The following SPON1 variants were observed in gnomAD, a reference collection of about 807,000 sequenced individuals.
SPON1 encodes spondin 1, also known as spondin-1.
Under a neutral mutation model 111.7 loss-of-function variants are expected in SPON1, and 52 were observed. That is an observed-to-expected ratio of 0.47 (90% CI 0.37 to 0.59). The LOEUF (loss-of-function observed/expected upper bound fraction) is 0.59. Among genes scored for constraint, SPON1 ranks in the 20% least tolerant of loss-of-function variants. SPON1 has a pLI of 0.00. For synonymous variants in SPON1, 410 were observed against 395.8 expected (o/e 1.04, Z -0.43); for missense variants, 957 against 1,068.5 (o/e 0.90, Z 1.46).
At chr11:14,016,649 A>G (rs1297340768) in intron 2 of SPON1, among the ~76,000 whole-genome samples, 2 of 152,186 alleles carry the variant, frequency 1.3e-5, no homozygotes, top group Non-Finnish European at 2.9e-5. Flanking sequence ...ATCTTGTTCA[A>G]AAAGAATTTA....
rs181985571 is a variant in SPON1 at position 13,987,265 on chromosome 11, G to A, written c.345+4312G>A. Among the ~76,000 whole-genome samples, 319 of 152,248 alleles carry A rather than the reference G, an allele frequency of 2.1e-3. 3 individuals are homozygous for A. Among genetic ancestry groups the A allele is most frequent in the Non-Finnish European group, 1.4e-3 (98 of 68,014 alleles). On this transcript the variant is annotated intron_variant, in intron 2 of 15. Coordinates refer to ENST00000576479, the MANE Select transcript of SPON1 (RefSeq NM_006108.4). ...TTTAATGATCACCATTCTAACTGGCGTGAGATGGTATCTCATTGTGGTTTT... is the reference window on the plus strand; with the variant it reads ...TTTAATGATCACCATTCTAACTGGCATGAGATGGTATCTCATTGTGGTTTT...
At chr11:14,222,646 A>C (rs1344284926) in intron 6 of SPON1, among the ~76,000 whole-genome samples, 3 of 152,168 alleles carry the variant, frequency 2.0e-5, no homozygotes, top group African/African-American at 7.2e-5. Flanking sequence ...CCTCATCTGT[A>C]TGTATACCAT....
chr11:14,031,461 C>T (rs185596483), intron 2 of SPON1, among the ~76,000 whole-genome samples: 53 of 152,290 alleles, frequency 3.5e-4, no homozygotes, highest in Non-Finnish European at 2.2e-4. Flanking sequence ...CACTGAATAA[C>T]GCAGTCAATG....
intron 2 of SPON1, among the ~76,000 whole-genome samples, chr11:13,994,818 T>A (rs1282487312): frequency 6.6e-6 from 1 of 152,198 alleles, no homozygotes; most frequent in East Asian, 1.9e-4. Context: ...GGTCTTAGGA[T>A]GTATCATAGG....
Position 14,195,792 on chromosome 11 carries a change from A to C in SPON1, c.826-47540A>C, listed in dbSNP as rs148800902. 3.3e-3 allele frequency among the ~76,000 whole-genome samples: 495 copies of C among 152,210 alleles called. 4 individuals carry two copies. The highest frequency in any genetic ancestry group is 0.011 in the African/African-American group (446 of 41,520). Reference sequence around the variant, plus strand: ...AGTGGATTTGGGAGTCACAGCCTCTATTGTCAGACATTTATTTCACAGTTT... The same window carrying C: ...AGTGGATTTGGGAGTCACAGCCTCTCTTGTCAGACATTTATTTCACAGTTT... On this transcript the variant is annotated intron_variant, in intron 6 of 15. Transcript: ENST00000576479.
intron 6 of SPON1, among the ~76,000 whole-genome samples, chr11:14,212,900 C>A (rs1554936854): frequency 6.6e-6 from 1 of 152,148 alleles, no homozygotes; most frequent in Non-Finnish European, 1.5e-5. Context: ...AAAGATGGGT[C>A]TATGCTGTGA....
At chr11:14,121,778 G>A (rs1554926526) in intron 5 of SPON1, among the ~76,000 whole-genome samples, 3 of 151,870 alleles carry the variant, frequency 2.0e-5, no homozygotes, top group African/African-American at 7.3e-5. Context: ...TTCATATACT[G>A]CAGATGTGCT....
At chr11:14,031,917 C>T (rs1173268960) in intron 2 of SPON1, among the ~76,000 whole-genome samples, 1 of 152,088 alleles carries the variant, frequency 6.6e-6, no homozygotes, top group African/African-American at 2.4e-5. Flanking sequence ...GTTAGAAAGC[C>T]CTTCCTGGGC....
At position 14,125,559 on chromosome 11, in the gene SPON1, A is replaced by G. The variant is rs558772076; in HGVS notation, c.677-9861A>G. 5.9e-5 allele frequency among the ~76,000 whole-genome samples: 9 copies of G among 152,346 alleles called. No individual in the cohort carries two copies. In the East Asian group the frequency reaches 1.7e-3, roughly 29 times the overall value. ...GGTGAGGCTGAGGTTAGACAACAGA[A>G]GGTTGCAGCAATCTAATCACTAAGG... On this transcript the variant is annotated intron_variant, in intron 5 of 15. Transcript: ENST00000576479.
chr11:14,064,602 G>A (rs777841047), intron 3 of SPON1, among the ~76,000 whole-genome samples: 15 of 152,194 alleles, frequency 9.9e-5, no homozygotes, highest in Non-Finnish European at 1.8e-4. Context: ...AGCGAGAGAG[G>A]AGCCTTTGTT....
intron 2 of SPON1, among the ~76,000 whole-genome samples, chr11:14,015,604 T>C (rs1309567812): frequency 6.6e-6 from 1 of 152,254 alleles, no homozygotes; most frequent in Non-Finnish European, 1.5e-5. Context: ...ATAAACATGC[T>C]TAAGGTTTCT....
chr11:14,113,763 C>T lies in SPON1; in HGVS notation c.677-21657C>T, dbSNP rs1033363678. Among the ~76,000 whole-genome samples the T allele has an allele frequency of 9.9e-5, 15 of 151,622 alleles. No individual in the cohort carries two copies. The South Asian group carries it at 1.0e-3, about 11-fold the overall frequency. ...GACTACAGGCGCCCGCCACCACGCCCGGCTAATTTTTTTGTGTTTTTTAGT... is the reference window on the plus strand; with the variant it reads ...GACTACAGGCGCCCGCCACCACGCCTGGCTAATTTTTTTGTGTTTTTTAGT... On this transcript the variant is annotated intron_variant, in intron 5 of 15. Coordinates refer to ENST00000576479, the MANE Select transcript of SPON1 (RefSeq NM_006108.4).
At chr11:14,200,970 A>C (rs1848455803) in intron 6 of SPON1, among the ~76,000 whole-genome samples, 1 of 151,956 alleles carries the variant, frequency 6.6e-6, no homozygotes, top group African/African-American at 2.4e-5. Flanking sequence ...TTGGCCACTT[A>C]GTATCTGCAT....
At chr11:14,023,124 C>T (rs1364824038) in intron 2 of SPON1, among the ~76,000 whole-genome samples, 25 of 152,108 alleles carry the variant, frequency 1.6e-4, no homozygotes, top group Admixed American at 1.6e-3. Context: ...GGAGATGATG[C>T]CTGAGAAGTT....
At chr11:14,221,514 A>C (rs1315309178) in intron 6 of SPON1, among the ~76,000 whole-genome samples, 8 of 152,228 alleles carry the variant, frequency 5.3e-5, no homozygotes, top group African/African-American at 1.9e-4. Flanking sequence ...ACATTATAAT[A>C]CAGTGTGATG....
chr11:14,133,470 A>G (rs1158926930), intron 5 of SPON1, among the ~76,000 whole-genome samples: 2 of 152,252 alleles, frequency 1.3e-5, no homozygotes, highest in African/African-American at 2.4e-5. Context: ...TGAGTATTTT[A>G]TAAAGGAGGA....
intron 3 of SPON1, among the ~76,000 whole-genome samples, chr11:14,050,969 C>A (rs1397071882): frequency 2.0e-5 from 3 of 152,168 alleles, no homozygotes; most frequent in Non-Finnish European, 4.4e-5. Flanking sequence ...ACCATGCAGG[C>A]AAGACGTGCA....
chr11:14,041,666 T>C lies in SPON1; in HGVS notation c.479+12T>C. 2 of 1,613,098 alleles carry C rather than the reference T, an allele frequency of 1.2e-6. No homozygotes were observed. Among genetic ancestry groups the C allele is most frequent in the South Asian group, 1.1e-5 (1 of 91,024 alleles). Reference sequence around the variant, plus strand: ...TGCGTGATTCTGAAGTAAGTAAACATGGAATCCTTCCCTGCAGTTTATCAA... The same window carrying C: ...TGCGTGATTCTGAAGTAAGTAAACACGGAATCCTTCCCTGCAGTTTATCAA... On this transcript the variant is annotated intron_variant, in intron 3 of 15. Coordinates refer to ENST00000576479, the MANE Select transcript of SPON1 (RefSeq NM_006108.4).
At chr11:14,011,499 C>CAGT (rs1396918999) in intron 2 of SPON1, among the ~76,000 whole-genome samples, 3 of 151,264 alleles carry the variant, frequency 2.0e-5, no homozygotes, top group Non-Finnish European at 4.4e-5. Flanking sequence ...AGGGGGCCTT[C>CAGT]AGTCCACTCA....
Sources: allele counts gnomAD v4.1 joint callset (sites outside exome capture counted in the v4.1 genomes callset), GRCh38; gene constraint gnomAD v4.1.1; transcripts MANE v1.5; gene names NCBI Gene and HGNC (gene_info 2026-07-23, HGNC 2026-07-21).